NCAM1: variants seen among roughly 807,000 people sequenced by gnomAD.
The protein encoded by NCAM1 is neural cell adhesion molecule 1.
Under a neutral mutation model 109.8 loss-of-function variants are expected in NCAM1, and 14 were observed. That is an observed-to-expected ratio of 0.13 (90% CI 0.08 to 0.20). NCAM1 has a LOEUF of 0.20. NCAM1 is among the 10% of genes least tolerant of loss of function. The probability of loss-of-function intolerance (pLI) is 1.00; values close to 1 mark genes in which losing one functional copy is unlikely to be tolerated. For synonymous variants in NCAM1, 418 were observed against 442.9 expected (o/e 0.94, Z 0.70); for missense variants, 774 against 1,109.9 (o/e 0.70, Z 4.30).
At chr11:113,246,568 G>A (rs1222434772) in intron 15 of NCAM1, among the ~76,000 whole-genome samples, 198 bp downstream of exon 15, 3 of 152,170 alleles carry the variant, frequency 2.0e-5, no homozygotes, top group South Asian at 4.1e-4. Context: ...CCTTTGGTTT[G>A]GTATTTTGCT....
At chr11:112,990,651 T>G (rs1430447957) in intron 1 of NCAM1, among the ~76,000 whole-genome samples, 2 of 152,130 alleles carry the variant, frequency 1.3e-5, no homozygotes, top group Non-Finnish European at 2.9e-5. Context: ...CTGAGGTCTG[T>G]AGGTTTATCA....
At chr11:113,066,156 A>G (rs1937945501) in intron 1 of NCAM1, among the ~76,000 whole-genome samples, 2 of 152,236 alleles carry the variant, frequency 1.3e-5, no homozygotes, top group African/African-American at 4.8e-5. Flanking sequence ...AATTTTTGTA[A>G]AAGGAAGTCG....
At chr11:112,992,978 C>T (rs1951504294) in intron 1 of NCAM1, among the ~76,000 whole-genome samples, 1 of 152,120 alleles carries the variant, frequency 6.6e-6, no homozygotes, top group Non-Finnish European at 1.5e-5. Flanking sequence ...GTGTATATCC[C>T]TATGTCACCC....
intron 1 of NCAM1, among the ~76,000 whole-genome samples, chr11:113,183,984 T>C (rs1017592572): frequency 1.3e-5 from 2 of 152,368 alleles, no homozygotes; most frequent in East Asian, 1.9e-4. Context: ...TAGAGGTCCA[T>C]GCTGAATGCT....
intron 1 of NCAM1, among the ~76,000 whole-genome samples, chr11:113,011,512 G>C (rs994351930): frequency 6.6e-6 from 1 of 151,930 alleles, no homozygotes; most frequent in African/African-American, 2.4e-5. Context: ...GGTATTTCTA[G>C]TTCTAGATCC....
chr11:113,028,831 A>G (rs1259216760), intron 1 of NCAM1, among the ~76,000 whole-genome samples: 2 of 152,072 alleles, frequency 1.3e-5, no homozygotes, highest in Non-Finnish European at 2.9e-5. Flanking sequence ...ATCCACTTTT[A>G]TTTTTCCTTT....
At chr11:113,098,580 A>G (rs1489201548) in intron 1 of NCAM1, among the ~76,000 whole-genome samples, 1 of 152,208 alleles carries the variant, frequency 6.6e-6, no homozygotes, top group East Asian at 1.9e-4. Context: ...ACAGCTAGGA[A>G]GAAACTACAA....
At chr11:113,250,590 TAATC>T (rs1310517266) in intron 15 of NCAM1, among the ~76,000 whole-genome samples, 51 of 152,164 alleles carry the variant, frequency 3.4e-4, no homozygotes, top group African/African-American at 1.0e-3. Context: ...TTGGAAGAAA[TAATC>T]AACCAAAGGA....
intron 1 of NCAM1, among the ~76,000 whole-genome samples, chr11:113,124,488 C>T (rs572660940): frequency 6.6e-6 from 1 of 152,296 alleles, no homozygotes; most frequent in African/African-American, 2.4e-5. Context: ...GGGCTGACAG[C>T]GCCATAGCTA....
Position 112,961,613 on chromosome 11 carries a change from ATGC to A in NCAM1, c.5_7del (p.Leu2?). ...CATCCCTCCCAGCCAGCAGATTACA[ATGC>A]TGCAAACTAAGGATCTCATCTGGAC... is the stretch of plus-strand genomic sequence containing the variant. On this transcript the variant is annotated start_lost and inframe_deletion, in exon 1 of 20. Coordinates refer to ENST00000316851, the MANE Select transcript of NCAM1 (RefSeq NM_181351.5). 1 of 1,491,474 alleles carries A rather than the reference ATGC, an allele frequency of 6.7e-7. No individual in the cohort carries two copies. Among genetic ancestry groups the A allele is most frequent in the South Asian group, 1.1e-5 (1 of 87,506 alleles). 92.4% of individuals were successfully genotyped at this position (1,491,474 alleles called of 1,614,324 possible). A position where few individuals can be genotyped will look rare whatever the true frequency, so the allele number is the denominator to read the frequency against.
intron 1 of NCAM1, among the ~76,000 whole-genome samples, chr11:113,097,898 G>A (rs1240121947): frequency 5.9e-5 from 9 of 152,114 alleles, no homozygotes; most frequent in African/African-American, 1.7e-4. Context: ...ATCTCCTGTT[G>A]CAGGGGCAAT....
chr11:113,068,863 A>T (rs1938114887), intron 1 of NCAM1, among the ~76,000 whole-genome samples: 1 of 152,182 alleles, frequency 6.6e-6, no homozygotes, highest in Non-Finnish European at 1.5e-5. Flanking sequence ...TGAGCATAAT[A>T]GTATGTAGTC....
rs1946369403 is a variant in NCAM1, at chr11:113,274,822, T to C, written c.2457-445T>C. Among the ~76,000 whole-genome samples the C allele has an allele frequency of 6.6e-6, 1 of 152,170 alleles. No individual in the cohort carries two copies. Among genetic ancestry groups the C allele is most frequent in the South Asian group, 2.1e-4 (1 of 4,828 alleles). On this transcript the variant is annotated intron_variant, in intron 19 of 19. Transcript: ENST00000316851. The surrounding 1 kb of genome is among the most constrained non-coding windows in gnomAD (Gnocchi z 4.1). ...GCAAAGGGGCCCCTGAAATCAGTGC[T>C]GGGAGCCCAGCCCAGCCCAGCAGGC...
At chr11:113,122,321 G>C (rs1318794050) in intron 1 of NCAM1, among the ~76,000 whole-genome samples, 2 of 152,210 alleles carry the variant, frequency 1.3e-5, no homozygotes, top group Non-Finnish European at 2.9e-5. Context: ...TAACTGCACT[G>C]TATTAAATCT....
chr11:113,052,755 C>T (rs1953552073), intron 1 of NCAM1, among the ~76,000 whole-genome samples: 1 of 152,088 alleles, frequency 6.6e-6, no homozygotes, highest in South Asian at 2.1e-4. Context: ...CATAGGTAAA[C>T]GTGTGCCATG....
chr11:112,998,945 A>G (rs1179371633), intron 1 of NCAM1, among the ~76,000 whole-genome samples: 3 of 152,164 alleles, frequency 2.0e-5, no homozygotes, highest in African/African-American at 7.2e-5. Context: ...ACACATGACC[A>G]TCATAGTTTC....
chr11:113,202,859 C>G (rs1836794), intron 2 of NCAM1, among the ~76,000 whole-genome samples: 4,085 of 152,262 alleles, frequency 0.027, 111 homozygotes, highest in East Asian at 0.074. Context: ...TAGAATTCCC[C>G]AGAGCTTGAA....
chr11:113,252,065 C>A (rs1187061307), intron 15 of NCAM1, among the ~76,000 whole-genome samples: 1 of 152,162 alleles, frequency 6.6e-6, no homozygotes, highest in African/African-American at 2.4e-5. Context: ...AGTTACAGAG[C>A]CACCAAGTCG....
chr11:113,052,522 A>C (rs530958870), intron 1 of NCAM1, among the ~76,000 whole-genome samples: 50 of 152,226 alleles, frequency 3.3e-4, no homozygotes, highest in Middle Eastern at 3.4e-3. Context: ...CCATGAGTAC[A>C]TAAGCTGGGA....
Sources: allele counts gnomAD v4.1 joint callset (sites outside exome capture counted in the v4.1 genomes callset), GRCh38; gene constraint gnomAD v4.1.1; non-coding constraint Gnocchi (gnomAD v3.1); transcripts MANE v1.5; gene names NCBI Gene and HGNC (gene_info 2026-07-23, HGNC 2026-07-21).